MTA3: variants seen among roughly 807,000 people sequenced by gnomAD.
MTA3 encodes the protein metastasis-associated protein MTA3.
In MTA3, 34 loss-of-function variants were observed where a neutral mutation model predicts 83.5. That is an observed-to-expected ratio of 0.41 (90% confidence interval 0.31 to 0.54). The LOEUF is 0.54. Among genes scored for constraint, MTA3 ranks in the 20% least tolerant of loss-of-function variants. MTA3 has a pLI of 0.33. For synonymous variants in MTA3, 303 were observed against 252.7 expected, an observed-to-expected ratio of 1.20 and a Z score of -1.89; for missense variants, 761 against 726.4, an observed-to-expected ratio of 1.05 and a Z score of -0.55.
intron 2 of MTA3, among the ~76,000 whole-genome samples, chr2:42,556,341 G>C (rs1014880009): frequency 1.3e-5 from 2 of 152,176 alleles, no homozygotes; most frequent in Admixed American, 1.3e-4. Context: ...TTTCTCTTAT[G>C]CTCTGGAAAG....
At chr2:42,715,422 T>TA (rs1666959181) in intron 14 of MTA3, among the ~76,000 whole-genome samples, 1 of 149,194 alleles carries the variant, frequency 6.7e-6, no homozygotes. Context: ...TTTTTTTTTT[T>TA]TTTTTTTTGA....
chr2:42,646,886 G>A (rs1212077166), intron 6 of MTA3, among the ~76,000 whole-genome samples: 1 of 152,150 alleles, frequency 6.6e-6, no homozygotes, highest in South Asian at 2.1e-4. Context: ...GCTGAGCACG[G>A]TGGCACACGC....
chr2:42,532,949 T>C lies in MTA3; in HGVS notation c.-140-37488T>C, dbSNP rs143182296. The stretch of plus-strand genomic sequence containing the variant: ...CAGGAAGCTCTCTCAGCTCAGAGAG[T>C]GCTTAATGTGCTCAATATGCACATT... On this transcript the variant is annotated intron_variant, in intron 2 of 17. Coordinates refer to the MTA3 transcript ENST00000405592. The C allele has an allele frequency of 8.5e-4, 194 of 229,214 alleles. 5 individuals are homozygous for C. In the East Asian group the frequency reaches 0.02, roughly 23 times the overall value. The allele number at this position is 229,214 out of a possible 1,614,324, so 14.2% of individuals were successfully genotyped here.
chr2:42,594,211 C>G (rs1385602477), intron 3 of MTA3, among the ~76,000 whole-genome samples: 1 of 149,986 alleles, frequency 6.7e-6, no homozygotes, highest in East Asian at 1.9e-4. Context: ...CTTGGCCTCC[C>G]AAAGTGCTAG....
At chr2:42,571,056 G>T (rs1336394102) in intron 2 of MTA3, among the ~76,000 whole-genome samples, 1 of 151,716 alleles carries the variant, frequency 6.6e-6, no homozygotes, top group Non-Finnish European at 1.5e-5. Context: ...TGGGTAAAGG[G>T]GCATAAGAGA....
chr2:42,664,961 T>C (rs930990483), intron 8 of MTA3, among the ~76,000 whole-genome samples: 1 of 152,202 alleles, frequency 6.6e-6, no homozygotes, highest in African/African-American at 2.4e-5. Flanking sequence ...AAATCTGTTA[T>C]GAATATAGTT....
At chr2:42,700,104 C>A (rs1693735878) in intron 11 of MTA3, among the ~76,000 whole-genome samples, 1 of 151,790 alleles carries the variant, frequency 6.6e-6, no homozygotes, top group Non-Finnish European at 1.5e-5. Flanking sequence ...ACATGGAGAT[C>A]ATTGGTGATC....
At chr2:42,643,144 T>G (rs1344365997) in intron 5 of MTA3, among the ~76,000 whole-genome samples, 1 of 151,320 alleles carries the variant, frequency 6.6e-6, no homozygotes, top group African/African-American at 2.4e-5. Context: ...AATAACTCTG[T>G]TTTTTTTCCC....
chr2:42,549,083 G>A (rs1368115263), intron 2 of MTA3, among the ~76,000 whole-genome samples: 1 of 137,370 alleles, frequency 7.3e-6, no homozygotes, highest in Non-Finnish European at 1.5e-5. Flanking sequence ...TGAGACAGGA[G>A]AATTGCTTGA....
At chr2:42,715,585 C>G (rs1181861243) in intron 14 of MTA3, among the ~76,000 whole-genome samples, 1 of 151,944 alleles carries the variant, frequency 6.6e-6, no homozygotes, top group Non-Finnish European at 1.5e-5. Flanking sequence ...ATGCTTCTTT[C>G]TAAAAAGCTT....
intron 2 of MTA3, among the ~76,000 whole-genome samples, chr2:42,513,328 A>G (rs945761246): frequency 6.6e-6 from 1 of 152,218 alleles, no homozygotes; most frequent in Non-Finnish European, 1.5e-5. Flanking sequence ...GGGACTGAGA[A>G]AGGATTCAGC....
intron 2 of MTA3, among the ~76,000 whole-genome samples, chr2:42,500,523 G>C (rs1051336502): frequency 1.3e-5 from 2 of 151,980 alleles, no homozygotes; most frequent in Non-Finnish European, 2.9e-5. Flanking sequence ...GGTGACAGAG[G>C]CTCTCTCAAA....
intron 5 of MTA3, 99 bp from the exon 6 acceptor site, chr2:42,644,028 C>T (rs535312538): frequency 1.8e-4 from 122 of 664,120 alleles, no homozygotes; most frequent in Non-Finnish European, 2.5e-4. Flanking sequence ...TTTATATACT[C>T]TCTGGGGTTT....
At chr2:42,594,835 T>C (rs1219756467) in intron 3 of MTA3, among the ~76,000 whole-genome samples, 1 of 143,178 alleles carries the variant, frequency 7.0e-6, no homozygotes, top group Non-Finnish European at 1.5e-5. Flanking sequence ...CACGCCATTC[T>C]CCCGCCTCAG....
chr2:42,542,239 A>C (rs1676552294), intron 2 of MTA3, among the ~76,000 whole-genome samples: 1 of 152,164 alleles, frequency 6.6e-6, no homozygotes, highest in Non-Finnish European at 1.5e-5. Flanking sequence ...GGTCCCAAAT[A>C]ATACACATGG....
intron 3 of MTA3, among the ~76,000 whole-genome samples, chr2:42,602,967 G>A (rs1478789628): frequency 1.3e-5 from 2 of 152,128 alleles, no homozygotes; most frequent in African/African-American, 2.4e-5. Flanking sequence ...TCCAGAGTAT[G>A]CTGTGTAATT....
intron 16 of MTA3, among the ~76,000 whole-genome samples, chr2:42,724,277 AACACACACAC>A (rs34379999): frequency 2.0e-3 from 145 of 73,180 alleles, no homozygotes; most frequent in African/African-American, 6.6e-3. Context: ...AGTCCTGAAA[AACACACACAC>A]ACACACACAC....
chr2:42,558,949 G>C (rs1306723429), intron 2 of MTA3, among the ~76,000 whole-genome samples: 3 of 151,902 alleles, frequency 2.0e-5, no homozygotes, highest in Non-Finnish European at 4.4e-5. Context: ...AGTTCCCCTG[G>C]AGCAGCTAGA....
At chr2:42,651,424 A>C (rs1688705593) in intron 6 of MTA3, among the ~76,000 whole-genome samples, 1 of 152,168 alleles carries the variant, frequency 6.6e-6, no homozygotes, top group South Asian at 2.1e-4. Flanking sequence ...CTTAAATATA[A>C]ACACTGTGAG....
Sources: gnomAD v4.1 joint callset for allele counts (sites outside exome capture counted in the v4.1 genomes callset) on GRCh38, gnomAD v4.1.1 for gene constraint, MANE v1.5 for transcripts, NCBI Gene and HGNC (gene_info 2026-07-23, HGNC 2026-07-21) for gene names.